TGFA: variants seen among roughly 807,000 people sequenced by gnomAD.
The protein encoded by TGFA is protransforming growth factor alpha.
A neutral mutation model predicts 21.7 loss-of-function variants in TGFA; 12 were observed. The observed-to-expected ratio is 0.55, with a 90% CI of 0.35 to 0.90. TGFA has a LOEUF of 0.90. Among genes scored for constraint, TGFA ranks in the 40% least tolerant of loss-of-function variants. The pLI is 0.01. For missense variants in TGFA, 178 were observed against 210.8 expected (o/e 0.84, Z 0.96); for synonymous variants, 79 against 88.1 (o/e 0.90, Z 0.58).
At chr2:70,503,207 G>A (rs1169978) in intron 2 of TGFA, among the ~76,000 whole-genome samples, 2,179 of 152,180 alleles carry the variant, frequency 0.014, 49 homozygotes, top group African/African-American at 0.05. Context: ...GGATTAAGAA[G>A]ATGTGGCACA....
Position 70,553,694 on chromosome 2 carries a change from G to A in TGFA, c.40+34C>T, listed in dbSNP as rs1673588250. 6 of 1,336,806 alleles carry A rather than the reference G, an allele frequency of 4.5e-6. No homozygotes were observed. In the South Asian group the frequency reaches 1.3e-4, roughly 28 times the overall value. 82.8% of individuals were successfully genotyped at this position (1,336,806 alleles called of 1,614,324 possible). On this transcript the variant is annotated intron_variant, in intron 1 of 5. Coordinates refer to ENST00000295400, the MANE Select transcript of TGFA (RefSeq NM_003236.4). ...GGGACCGGGGGAAGCAGGGTGTCGC[G>A]CGGCGCAGGGGGCGCCGCAGCCGGC...
intron 2 of TGFA, among the ~76,000 whole-genome samples, chr2:70,511,775 T>C (rs1262069878): frequency 2.6e-5 from 4 of 152,178 alleles, no homozygotes; most frequent in Admixed American, 2.6e-4. Flanking sequence ...AGAATGATGC[T>C]AATTGTCAAA....
Position 70,512,465 on chromosome 2 carries a change from C to T in TGFA, c.94+2394G>A, listed in dbSNP as rs79905515. 9.0e-3 allele frequency among the ~76,000 whole-genome samples: 1,377 copies of T among 152,266 alleles called. 23 individuals are homozygous for T. The highest frequency in any genetic ancestry group is 0.031 in the African/African-American group (1,289 of 41,548). On this transcript the variant is annotated intron_variant, in intron 2 of 5. Coordinates refer to ENST00000295400, the MANE Select transcript of TGFA (RefSeq NM_003236.4). ...GCTCTCACAGACCACCTCAGGCCCC[C>T]GAGTGGCACTGAGCTGGTTACAGGG...
chr2:70,473,437 G>A (rs782608901), intron 2 of TGFA, among the ~76,000 whole-genome samples: 5 of 151,576 alleles, frequency 3.3e-5, no homozygotes, highest in Non-Finnish European at 7.4e-5. Context: ...AAGAGGAAGG[G>A]CACTGTCAGC....
chr2:70,538,859 A>G (rs782469253), intron 1 of TGFA, among the ~76,000 whole-genome samples: 1 of 152,218 alleles, frequency 6.6e-6, no homozygotes, highest in Non-Finnish European at 1.5e-5. Flanking sequence ...AAGTTCTGCT[A>G]TGAGTAAAAT....
At chr2:70,460,129 G>A (rs974635170) in intron 3 of TGFA, among the ~76,000 whole-genome samples, 8 of 152,140 alleles carry the variant, frequency 5.3e-5, no homozygotes, top group African/African-American at 1.4e-4. Flanking sequence ...AGAAACCAAC[G>A]TTTCTCAACT....
rs1669915605 is a variant in TGFA, at chr2:70,447,478, ATAAAT to A, written c.*3376_*3380del. ...AATCAAAATTAACTTACCACACAAAATAAATTAAAACATTAAATATTAACCTTTTC... is the reference window on the plus strand; with the variant it reads ...AATCAAAATTAACTTACCACACAAAATAAAACATTAAATATTAACCTTTTC... On this transcript the variant is annotated 3_prime_UTR_variant, in exon 6 of 6. Coordinates refer to ENST00000295400, the MANE Select transcript of TGFA (RefSeq NM_003236.4). 3 of 152,790 alleles carry A rather than the reference ATAAAT, an allele frequency of 2.0e-5. No homozygotes were observed. Among genetic ancestry groups the A allele is most frequent in the East Asian group, 1.9e-4 (1 of 5,182 alleles). The allele number at this position is 152,790 out of a possible 1,614,324, so 9.5% of individuals were successfully genotyped here.
At chr2:70,476,013 G>T (rs554985039) in intron 2 of TGFA, among the ~76,000 whole-genome samples, 56 of 128,592 alleles carry the variant, frequency 4.4e-4, no homozygotes, top group Middle Eastern at 4.9e-3. Context: ...TCCTCCTCAT[G>T]ACCCCATTTC....
chr2:70,451,090 T>TGAGTGAGTGAGTGAGTGATAGCAGAAG (rs1553489553), intron 5 of TGFA, among the ~76,000 whole-genome samples: 17 of 147,158 alleles, frequency 1.2e-4, no homozygotes, highest in Admixed American at 2.0e-4. Context: ...TGAAAGTGAG[T>TGAGTGAGTGAGTGAGTGATAGCAGAAG]GAGTGAGTGA....
At chr2:70,457,676 G>C (rs541178172) in intron 3 of TGFA, among the ~76,000 whole-genome samples, 54 of 151,984 alleles carry the variant, frequency 3.6e-4, no homozygotes, top group African/African-American at 1.3e-3. Context: ...CGAGTAGCTG[G>C]GATTACAGGC....
chr2:70,522,067 G>A (rs1427418305), intron 1 of TGFA, among the ~76,000 whole-genome samples: 3 of 152,328 alleles, frequency 2.0e-5, no homozygotes, highest in South Asian at 2.1e-4. Flanking sequence ...CTGCCTTGCA[G>A]TTCAGAAGTT....
At chr2:70,535,990 T>G (rs1672958810) in intron 1 of TGFA, among the ~76,000 whole-genome samples, 1 of 152,202 alleles carries the variant, frequency 6.6e-6, no homozygotes, top group Non-Finnish European at 1.5e-5. Context: ...GCTTTTTTTC[T>G]CTCTCTCCAC....
chr2:70,455,216 G>C (rs1670193629), intron 4 of TGFA, among the ~76,000 whole-genome samples: 1 of 151,276 alleles, frequency 6.6e-6, no homozygotes, highest in African/African-American at 2.4e-5. Flanking sequence ...TGCTGCCTTG[G>C]TCCAGGAGAA....
rs1320886921 is a variant in TGFA at position 70,553,663 on chromosome 2, T to G, written c.40+65A>C. ...CGCAGAAACCCCCGGAAAGGGGAAC[T>G]CGGCGGGGACCGGGGGAAGCAGGGT... On this transcript the variant is annotated intron_variant, in intron 1 of 5. Coordinates refer to ENST00000295400, the MANE Select transcript of TGFA (RefSeq NM_003236.4). 8 of 1,325,808 alleles carry G rather than the reference T, an allele frequency of 6.0e-6. No individual in the cohort carries two copies. The East Asian group carries it at 2.1e-4, about 35-fold the overall frequency. 82.1% of individuals were successfully genotyped at this position (1,325,808 alleles called of 1,614,324 possible).
chr2:70,457,078 C>T (rs1553490694), intron 3 of TGFA, among the ~76,000 whole-genome samples: 1 of 152,208 alleles, frequency 6.6e-6, no homozygotes, highest in Non-Finnish European at 1.5e-5. Context: ...CCCACCTCCA[C>T]CCAGGCTTAG....
intron 1 of TGFA, among the ~76,000 whole-genome samples, chr2:70,521,617 GTTTTTTTTTT>G (rs35177436): frequency 1.1e-5 from 1 of 87,096 alleles, no homozygotes; most frequent in Admixed American, 1.6e-4. Context: ...TTGTTTGTTT[GTTTTTTTTTT>G]TTTTTTTTTT....
Position 70,447,346 on chromosome 2 carries a change from A to G in TGFA, c.*3513T>C, listed in dbSNP as rs1269730501. On this transcript the variant is annotated 3_prime_UTR_variant, in exon 6 of 6. Coordinates refer to ENST00000295400, the MANE Select transcript of TGFA (RefSeq NM_003236.4). ...TAAGGTACAGTACAACTCAATAACA[A>G]TGCACATTACTGAAAAACACAATTG... 3.9e-5 allele frequency: 6 copies of G among 152,650 alleles called. No individual in the cohort carries two copies. Among genetic ancestry groups the G allele is most frequent in the African/African-American group, 7.2e-5 (3 of 41,448 alleles). The allele number at this position is 152,650 out of a possible 1,614,324, so 9.5% of individuals were successfully genotyped here. A position where few individuals can be genotyped will look rare whatever the true frequency, so the allele number is the denominator to read the frequency against.
intron 3 of TGFA, 102 bp downstream of exon 3, chr2:70,465,514 G>T: frequency 6.9e-7 from 1 of 1,439,926 alleles, no homozygotes; most frequent in African/African-American, 1.4e-5. Context: ...TGGCTCCAGG[G>T]GTCTCGGAGC....
chr2:70,552,569 T>C (rs1171854446), intron 1 of TGFA, among the ~76,000 whole-genome samples: 1 of 152,168 alleles, frequency 6.6e-6, no homozygotes, highest in African/African-American at 2.4e-5. Flanking sequence ...GAGCATCCGG[T>C]TCCAAGACTG....
Sources: allele counts gnomAD v4.1 joint callset (sites outside exome capture counted in the v4.1 genomes callset), GRCh38; gene constraint gnomAD v4.1.1; transcripts MANE v1.5; gene names NCBI Gene and HGNC (gene_info 2026-07-23, HGNC 2026-07-21).